Variants in TMEM135 observed in about 807,000 individuals in gnomAD.
TMEM135 encodes the protein transmembrane protein 135, also known as peroxisomal membrane protein 52.
TMEM135 carries 30 observed loss-of-function variants against 60.3 expected under a neutral mutation model. The ratio of observed to expected loss-of-function variants is 0.50; its 90% confidence interval spans 0.37 to 0.68. The LOEUF (loss-of-function observed/expected upper bound fraction) is 0.68. Ranked by LOEUF, TMEM135 falls within the 30% of genes least tolerant of loss-of-function variation. TMEM135 has a pLI of 0.00. For missense variants in TMEM135, 468 were observed against 548.8 expected (o/e 0.85, Z 1.47); for synonymous variants, 190 against 186.7 (o/e 1.02, Z -0.14).
intron 5 of TMEM135, among the ~76,000 whole-genome samples, chr11:87,191,019 T>A (rs1416165981): frequency 6.6e-6 from 1 of 152,214 alleles, no homozygotes; most frequent in Non-Finnish European, 1.5e-5. Flanking sequence ...CATAGGTTCT[T>A]ATGAATCTTC....
intron 2 of TMEM135, among the ~76,000 whole-genome samples, chr11:87,068,651 AG>A (rs1856712628): frequency 6.6e-6 from 1 of 151,650 alleles, no homozygotes; most frequent in African/African-American, 2.4e-5. Context: ...TCTACTAAAA[AG>A]TACAAAAAAT....
Position 87,322,818 on chromosome 11 carries a change from A to T in TMEM135, c.*1485A>T. On this transcript the variant is annotated 3_prime_UTR_variant, in exon 15 of 15. Transcript: ENST00000305494. ...ACAGACTCTGGTACTATGGTAACAG[A>T]GCCACTTTATCATTTGGTCAAAATT... 1 of 454,406 alleles carries T rather than the reference A, an allele frequency of 2.2e-6. No individual in the cohort carries two copies. The highest frequency in any genetic ancestry group is 4.4e-6 in the Non-Finnish European group (1 of 226,740). 28.1% of individuals were successfully genotyped at this position (454,406 alleles called of 1,614,324 possible). A position where few individuals can be genotyped will look rare whatever the true frequency, so the allele number is the denominator to read the frequency against.
intron 4 of TMEM135, among the ~76,000 whole-genome samples, 184 bp downstream of exon 4, chr11:87,091,579 A>T (rs143900227): frequency 3.4e-4 from 52 of 152,228 alleles, no homozygotes; most frequent in African/African-American, 1.2e-3. Flanking sequence ...ATCATATAGG[A>T]TTGAATTTCA....
In TMEM135 at chr11:87,327,877, G is replaced by A. The variant is rs1265754752; in HGVS notation, c.*6544G>A. The A allele has an allele frequency of 8.8e-6, 4 of 454,018 alleles. No individual in the cohort carries two copies. The highest frequency in any genetic ancestry group is 6.2e-5 in the South Asian group (4 of 64,472). The allele number at this position is 454,018 out of a possible 1,614,324, so 28.1% of individuals were successfully genotyped here. ...GTGTATCCCTGCTGCAGGGGAGAGA[G>A]AGAAGCCAATTCTCCTTTCTTCTGT... On this transcript the variant is annotated 3_prime_UTR_variant, in exon 15 of 15. Transcript: ENST00000305494.
chr11:87,291,311 G>A (rs117788132), intron 6 of TMEM135, among the ~76,000 whole-genome samples: 4,206 of 151,940 alleles, frequency 0.028, 71 homozygotes, highest in Admixed American at 0.043. Flanking sequence ...TTATCCTTCC[G>A]TTTGATCAAA....
At chr11:87,131,371 A>G (rs560521321) in intron 4 of TMEM135, among the ~76,000 whole-genome samples, 1 of 80,348 alleles carries the variant, frequency 1.2e-5, no homozygotes, top group Non-Finnish European at 2.7e-5. Flanking sequence ...TACTGTCTCT[A>G]TGGTTTTGCC....
At chr11:87,241,478 C>T (rs917570464) in intron 6 of TMEM135, among the ~76,000 whole-genome samples, 24 of 152,080 alleles carry the variant, frequency 1.6e-4, no homozygotes, top group African/African-American at 5.8e-4. Flanking sequence ...TTCATTGCCT[C>T]AAGCATTTAT....
intron 12 of TMEM135, among the ~76,000 whole-genome samples, chr11:87,317,330 A>G (rs1590868320): frequency 6.6e-6 from 1 of 152,082 alleles, no homozygotes; most frequent in Admixed American, 6.6e-5. Flanking sequence ...ATGTATCTCT[A>G]TCTTGCAATA....
At chr11:87,270,892 A>G (rs1192427765) in intron 6 of TMEM135, among the ~76,000 whole-genome samples, 3 of 152,076 alleles carry the variant, frequency 2.0e-5, no homozygotes, top group Admixed American at 6.5e-5. Flanking sequence ...AATGTTAACA[A>G]TATTTTCTAG....
intron 7 of TMEM135, among the ~76,000 whole-genome samples, chr11:87,298,573 A>G (rs1320644992): frequency 7.0e-6 from 1 of 142,252 alleles, no homozygotes; most frequent in Non-Finnish European, 1.5e-5. Context: ...CAATCACTTA[A>G]GGTCAGGAGT....
chr11:87,210,879 G>A (rs546560), intron 5 of TMEM135, among the ~76,000 whole-genome samples: 46,425 of 151,974 alleles, frequency 0.31, 7,916 homozygotes, highest in African/African-American at 0.46. Flanking sequence ...ATATGAATGG[G>A]ATTAAGAATG....
chr11:87,246,220 C>T (rs10160646), intron 6 of TMEM135, among the ~76,000 whole-genome samples: 14,011 of 145,282 alleles, frequency 0.096, 1,250 homozygotes, highest in African/African-American at 0.24. Flanking sequence ...CCAAGAGATC[C>T]GCTGTTAGTC....
chr11:87,259,725 C>T (rs1941607017), intron 6 of TMEM135, among the ~76,000 whole-genome samples: 1 of 152,212 alleles, frequency 6.6e-6, no homozygotes, highest in South Asian at 2.1e-4. Flanking sequence ...CATTTTGTTT[C>T]AGATGTGTGA....
intron 5 of TMEM135, among the ~76,000 whole-genome samples, chr11:87,181,447 A>G (rs1007016920): frequency 6.6e-6 from 1 of 152,210 alleles, no homozygotes; most frequent in Non-Finnish European, 1.5e-5. Context: ...CTTTGGTGAA[A>G]GACACATTTA....
intron 4 of TMEM135, among the ~76,000 whole-genome samples, chr11:87,138,976 C>T (rs1386503188): frequency 6.6e-6 from 1 of 152,186 alleles, no homozygotes; most frequent in Non-Finnish European, 1.5e-5. Flanking sequence ...ACGAGTATGA[C>T]ATGCAGGCTC....
chr11:87,109,547 A>C (rs909787241), intron 4 of TMEM135, among the ~76,000 whole-genome samples: 24 of 152,222 alleles, frequency 1.6e-4, no homozygotes, highest in African/African-American at 5.8e-4. Context: ...TTGATGATGT[A>C]GGCATTGTGA....
chr11:87,107,886 A>G (rs1045658341), intron 4 of TMEM135, among the ~76,000 whole-genome samples: 2 of 152,144 alleles, frequency 1.3e-5, no homozygotes, highest in African/African-American at 4.8e-5. Flanking sequence ...CAACAGTGTA[A>G]AAGTGTTCCT....
chr11:87,240,887 T>C (rs1337261568), intron 6 of TMEM135, among the ~76,000 whole-genome samples: 4 of 64,386 alleles, frequency 6.2e-5, no homozygotes, highest in Non-Finnish European at 1.5e-4. Context: ...AACATATAGA[T>C]TGAATTGTCA....
At chr11:87,174,208 T>C (rs1439288310) in intron 5 of TMEM135, among the ~76,000 whole-genome samples, 1 of 152,122 alleles carries the variant, frequency 6.6e-6, no homozygotes, top group Non-Finnish European at 1.5e-5. Context: ...CAAAGAAAAT[T>C]GGATTATCAC....
Sources: allele counts gnomAD v4.1 joint callset (sites outside exome capture counted in the v4.1 genomes callset), GRCh38; gene constraint gnomAD v4.1.1; transcripts MANE v1.5; gene names NCBI Gene and HGNC (gene_info 2026-07-23, HGNC 2026-07-21).